RBFOX1: variants seen among roughly 807,000 people sequenced by gnomAD.
RBFOX1 encodes RNA binding protein fox-1 homolog 1.
Under a neutral mutation model 57.7 loss-of-function variants are expected in RBFOX1, and 8 were observed. That is an observed-to-expected ratio of 0.14 (90% CI 0.08 to 0.25). The LOEUF (loss-of-function observed/expected upper bound fraction) is 0.25, where lower values mean the gene tolerates loss of function less well. RBFOX1 is among the 10% of genes least tolerant of loss of function. The probability of loss-of-function intolerance (pLI) is 1.00; values close to 1 mark genes in which losing one functional copy is unlikely to be tolerated. For synonymous variants in RBFOX1, 326 were observed against 222.4 expected (o/e 1.47, Z -4.15); for missense variants, 611 against 548.5 (o/e 1.11, Z -1.14).
At chr16:7,148,529 G>A (rs865875743) in intron 4 of RBFOX1, among the ~76,000 whole-genome samples, 7 of 152,178 alleles carry the variant, frequency 4.6e-5, no homozygotes, top group South Asian at 2.1e-4. Context: ...TATTAAGGCC[G>A]CAGTGCCGAG....
intron 1 of RBFOX1, among the ~76,000 whole-genome samples, chr16:5,273,456 T>C (rs2280736): frequency 0.54 from 81,604 of 151,892 alleles, 22,875 homozygotes; most frequent in African/African-American, 0.71. Flanking sequence ...AAAGAGAGGC[T>C]GGAATTGGGC....
intron 1 of RBFOX1, among the ~76,000 whole-genome samples, chr16:5,392,404 A>G (rs2066436646): frequency 6.6e-6 from 1 of 152,154 alleles, no homozygotes; most frequent in African/African-American, 2.4e-5. Context: ...AGTCGCATTC[A>G]TTGGTACTGG....
chr16:6,542,117 G>T (rs917874207), intron 2 of RBFOX1, among the ~76,000 whole-genome samples: 4 of 152,086 alleles, frequency 2.6e-5, no homozygotes, highest in African/African-American at 7.2e-5. Flanking sequence ...TTAGAGACAG[G>T]CTATTGCTAT....
intron 2 of RBFOX1, among the ~76,000 whole-genome samples, chr16:6,336,745 A>G (rs577699284): frequency 8.5e-5 from 13 of 152,158 alleles, no homozygotes; most frequent in Non-Finnish European, 1.9e-4. Flanking sequence ...GCACAGCAGG[A>G]CAGGCTATGC....
chr16:6,130,288 T>C lies in RBFOX1; in HGVS notation c.-127+110296T>C, dbSNP rs986829685. On this transcript the variant is annotated intron_variant, in intron 1 of 15. Transcript: ENST00000550418. Reference sequence around the variant, plus strand: ...TGCTGAGTAGGAAATACAGTTTTATTATAGTTTTTATATTTTAACAGAAGC... The same window carrying C: ...TGCTGAGTAGGAAATACAGTTTTATCATAGTTTTTATATTTTAACAGAAGC... Among the ~76,000 whole-genome samples the C allele has an allele frequency of 7.9e-5, 12 of 152,238 alleles. No individual in the cohort carries two copies. The East Asian group carries it at 2.1e-3, about 27-fold the overall frequency.
chr16:5,526,475 G>T (rs1312337681), intron 2 of RBFOX1, among the ~76,000 whole-genome samples: 2 of 152,136 alleles, frequency 1.3e-5, no homozygotes, highest in African/African-American at 4.8e-5. Context: ...TGTTAGTAGA[G>T]ATGGGGTTTT....
chr16:5,978,916 C>T (rs1262967523), intron 4 of RBFOX1, among the ~76,000 whole-genome samples: 1 of 152,164 alleles, frequency 6.6e-6, no homozygotes, highest in Admixed American at 6.5e-5. Flanking sequence ...GGGTGGCTGC[C>T]AGCTTCTCCA....
intron 2 of RBFOX1, among the ~76,000 whole-genome samples, chr16:6,335,385 G>A (rs936218559): frequency 6.6e-6 from 1 of 152,176 alleles, no homozygotes; most frequent in African/African-American, 2.4e-5. Context: ...AGAGCCAGGA[G>A]AGGGAGGAAG....
chr16:7,126,054 G>C (rs982281143), intron 4 of RBFOX1, among the ~76,000 whole-genome samples: 1 of 152,164 alleles, frequency 6.6e-6, no homozygotes, highest in Non-Finnish European at 1.5e-5. Flanking sequence ...TTGCACTGCA[G>C]CATGGGCGAC....
chr16:6,354,574 C>G (rs1163411730), intron 2 of RBFOX1, among the ~76,000 whole-genome samples: 1 of 152,166 alleles, frequency 6.6e-6, no homozygotes, highest in Non-Finnish European at 1.5e-5. Context: ...CAGGCCCCTG[C>G]CCTCTTCCTC....
intron 1 of RBFOX1, among the ~76,000 whole-genome samples, chr16:6,217,323 G>C (rs2097342332): frequency 6.6e-6 from 1 of 151,784 alleles, no homozygotes; most frequent in Non-Finnish European, 1.5e-5. Flanking sequence ...GAGCATGCAT[G>C]TGTTTTCTGT....
intron 13 of RBFOX1, among the ~76,000 whole-genome samples, chr16:7,669,063 C>A (rs1243111876): frequency 2.0e-5 from 3 of 152,174 alleles, no homozygotes; most frequent in South Asian, 2.1e-4. Context: ...CGCCACCATG[C>A]CCAGCTAATC....
At chr16:7,029,205 TATAC>T (rs2042089948) in intron 3 of RBFOX1, among the ~76,000 whole-genome samples, 2 of 50,852 alleles carry the variant, frequency 3.9e-5, no homozygotes, top group South Asian at 1.1e-3. Context: ...TATGTATACG[TATAC>T]GTATATATAT....
chr16:6,891,720 C>T (rs9938280), intron 3 of RBFOX1, among the ~76,000 whole-genome samples: 7 of 152,122 alleles, frequency 4.6e-5, no homozygotes, highest in African/African-American at 1.7e-4. Flanking sequence ...TTCATCTGAA[C>T]GTGGAACGCA....
At chr16:7,246,246 C>T (rs183932213) in intron 4 of RBFOX1, among the ~76,000 whole-genome samples, 2 of 152,134 alleles carry the variant, frequency 1.3e-5, no homozygotes. Context: ...TTAGCCTCTC[C>T]ACAGCCACCA....
At position 6,259,582 on chromosome 16, in the gene RBFOX1, A is replaced by C. The variant is rs528517104; in HGVS notation, c.-126-57413A>C. Among the ~76,000 whole-genome samples the C allele has an allele frequency of 2.0e-3, 303 of 152,044 alleles. 1 individual carries two copies. The highest frequency in any genetic ancestry group is 3.7e-3 in the Non-Finnish European group (255 of 68,000). On this transcript the variant is annotated intron_variant, in intron 1 of 15. Coordinates refer to ENST00000550418, the MANE Select transcript of RBFOX1 (RefSeq NM_018723.4). ...CTTTTATAGTTTCTGGGACTTGGGG[A>C]GGGTGGCCCAGTAGCGACGAAAGTG...
At chr16:7,074,016 A>G (rs896750570) in intron 4 of RBFOX1, among the ~76,000 whole-genome samples, 38 of 152,110 alleles carry the variant, frequency 2.5e-4, no homozygotes, top group African/African-American at 9.2e-4. Context: ...ATTTGTTTCC[A>G]TTTTGCCTAT....
At chr16:7,453,891 G>A (rs557155824) in intron 4 of RBFOX1, among the ~76,000 whole-genome samples, 124 of 152,282 alleles carry the variant, frequency 8.1e-4, no homozygotes, top group South Asian at 2.5e-3. Context: ...AGTTGTCCTC[G>A]CAAAGAAGGA....
At chr16:5,457,765 T>G (rs2068674281) in intron 1 of RBFOX1, among the ~76,000 whole-genome samples, 1 of 152,246 alleles carries the variant, frequency 6.6e-6, no homozygotes, top group Non-Finnish European at 1.5e-5. Context: ...GTGGACTCAC[T>G]TCCTGGTACT....
Sources: gnomAD v4.1 joint callset for allele counts (sites outside exome capture counted in the v4.1 genomes callset) on GRCh38, gnomAD v4.1.1 for gene constraint, MANE v1.5 for transcripts, NCBI Gene and HGNC (gene_info 2026-07-23, HGNC 2026-07-21) for gene names.